Variants in KCNC2 observed in about 807,000 individuals in gnomAD.
The protein encoded by KCNC2 is voltage-gated potassium channel KCNC2.
Under a neutral mutation model 44.5 loss-of-function variants are expected in KCNC2, and 21 were observed. The ratio of observed to expected loss-of-function variants is 0.47; its 90% confidence interval spans 0.33 to 0.68. The LOEUF (loss-of-function observed/expected upper bound fraction) is 0.68, where lower values mean the gene tolerates loss of function less well. KCNC2 is among the 30% of genes least tolerant of loss of function. KCNC2 has a pLI of 0.01. For missense variants in KCNC2, 589 were observed against 826.2 expected (o/e 0.71, Z 3.52); for synonymous variants, 391 against 339.1 (o/e 1.15, Z -1.68).
At chr12:75,183,944 T>C (rs1048265760) in intron 2 of KCNC2, among the ~76,000 whole-genome samples, 2 of 152,136 alleles carry the variant, frequency 1.3e-5, no homozygotes, top group African/African-American at 4.8e-5. Context: ...CTCAACTTTA[T>C]ATATTTCCCA....
rs146183107 is a variant in KCNC2, at chr12:75,096,342, A to C, written c.688-45025T>G. 3.8e-4 allele frequency among the ~76,000 whole-genome samples: 58 copies of C among 152,182 alleles called. No individual in the cohort carries two copies. In the East Asian group the frequency reaches 0.01, roughly 26 times the overall value. ...TTAAAAAATATTTTGGAACAGCTTT[A>C]GTGGAAGTGGGAAAAGTAGAAAGGA... On this transcript the variant is annotated intron_variant, in intron 2 of 4. Coordinates refer to ENST00000549446, the MANE Select transcript of KCNC2 (RefSeq NM_139137.4).
At chr12:75,070,192 AG>A (rs1883254290) in intron 2 of KCNC2, among the ~76,000 whole-genome samples, 1 of 152,120 alleles carries the variant, frequency 6.6e-6, no homozygotes, top group Non-Finnish European at 1.5e-5. Flanking sequence ...TTTAGGTACA[AG>A]ATAGTCACTT....
intron 1 of KCNC2, among the ~76,000 whole-genome samples, chr12:75,208,933 A>C (rs1396308710): frequency 6.6e-6 from 1 of 151,972 alleles, no homozygotes; most frequent in Admixed American, 6.6e-5. Context: ...CCCAAGAAAA[A>C]CAAATCCCTT....
intron 2 of KCNC2, among the ~76,000 whole-genome samples, chr12:75,200,248 C>G (rs1379148882): frequency 6.6e-6 from 1 of 151,746 alleles, no homozygotes; most frequent in Admixed American, 6.6e-5. Flanking sequence ...AACACTTAAT[C>G]AGAAGTCACA....
chr12:75,088,061 G>T (rs191561722), intron 2 of KCNC2, among the ~76,000 whole-genome samples: 1 of 152,030 alleles, frequency 6.6e-6, no homozygotes, highest in East Asian at 1.9e-4. Context: ...TTTAGAGCTG[G>T]TCTATGAAAC....
chr12:75,175,006 C>T (rs1892085705), intron 2 of KCNC2, among the ~76,000 whole-genome samples: 1 of 151,928 alleles, frequency 6.6e-6, no homozygotes, highest in African/African-American at 2.4e-5. Context: ...ACTGTAGTGT[C>T]CAGATGCCAA....
chr12:75,092,013 A>T (rs1885523392), intron 2 of KCNC2, among the ~76,000 whole-genome samples: 1 of 151,642 alleles, frequency 6.6e-6, no homozygotes, highest in Non-Finnish European at 1.5e-5. Flanking sequence ...TATCAGGATC[A>T]TTCTATTATA....
chr12:75,079,779 T>C (rs1884316893), intron 2 of KCNC2, among the ~76,000 whole-genome samples: 4 of 152,112 alleles, frequency 2.6e-5, no homozygotes, highest in Admixed American at 6.6e-5. Flanking sequence ...AATAACCAAA[T>C]AATCAAAAGC....
Position 75,042,711 on chromosome 12 carries a change from A to C in KCNC2, c.*394T>G, listed in dbSNP as rs1308258637. On this transcript the variant is annotated 3_prime_UTR_variant, in exon 5 of 5. Transcript: ENST00000549446. Reference sequence around the variant, plus strand: ...TCGTGTGCAATCAAGATAGGATCCCAGACATCTTCAGAATGGTTTACAGTC... The same window carrying C: ...TCGTGTGCAATCAAGATAGGATCCCCGACATCTTCAGAATGGTTTACAGTC... 5 of 1,169,686 alleles carry C rather than the reference A, an allele frequency of 4.3e-6. No individual in the cohort carries two copies. Among genetic ancestry groups the C allele is most frequent in the South Asian group, 2.7e-5 (1 of 37,598 alleles). The allele number at this position is 1,169,686 out of a possible 1,614,324, so 72.5% of individuals were successfully genotyped here.
chr12:75,159,762 A>G (rs79491295), intron 2 of KCNC2, among the ~76,000 whole-genome samples: 1 of 151,892 alleles, frequency 6.6e-6, no homozygotes, highest in South Asian at 2.1e-4. Context: ...TTGTAACTAC[A>G]TATTGCAAGT....
chr12:75,142,112 G>A (rs1889699352), intron 2 of KCNC2, among the ~76,000 whole-genome samples: 1 of 152,110 alleles, frequency 6.6e-6, no homozygotes, highest in African/African-American at 2.4e-5. Flanking sequence ...CTGTACAACT[G>A]TCACTAAAAA....
At chr12:75,043,441 C>T in intron 4 of KCNC2, 200 bp from the exon 5 acceptor site, 11 of 1,338,054 alleles carry the variant, frequency 8.2e-6, no homozygotes, top group South Asian at 5.9e-5. Context: ...TTAAACCAGC[C>T]ATCACAAATT....
In KCNC2 at chr12:75,137,088, A is replaced by G. The variant is rs1203126029; in HGVS notation, c.687+70209T>C. Among the ~76,000 whole-genome samples the G allele has an allele frequency of 3.3e-5, 5 of 152,118 alleles. 1 individual carries two copies. The highest frequency in any genetic ancestry group is 1.2e-4 in the African/African-American group (5 of 41,438). On this transcript the variant is annotated intron_variant, in intron 2 of 4. Coordinates refer to ENST00000549446, the MANE Select transcript of KCNC2 (RefSeq NM_139137.4). ...ACCTTTGCCAAATCCACCAGTGACC[A>G]TCTCTTGCAAAATCTAACAGACACT...
At chr12:75,046,448 T>C (rs1257231398) in intron 4 of KCNC2, among the ~76,000 whole-genome samples, 1 of 151,724 alleles carries the variant, frequency 6.6e-6, no homozygotes, top group Non-Finnish European at 1.5e-5. Context: ...TCTAGAGTTC[T>C]TTAAACACAT....
intron 2 of KCNC2, among the ~76,000 whole-genome samples, chr12:75,104,694 A>G (rs1390176075): frequency 2.0e-5 from 3 of 152,142 alleles, no homozygotes; most frequent in East Asian, 3.9e-4. Flanking sequence ...GTTTTCAAAT[A>G]TCAATTTATT....
intron 2 of KCNC2, among the ~76,000 whole-genome samples, chr12:75,107,079 C>A (rs537722158): frequency 4.6e-5 from 7 of 151,914 alleles, no homozygotes. Context: ...CTGAGGGGGG[C>A]AGATCATGAG....
rs17114683 is a variant in KCNC2, at chr12:75,126,625, C to T, written c.688-75308G>A. Among the ~76,000 whole-genome samples, 2,743 of 152,012 alleles carry T rather than the reference C, an allele frequency of 0.018. 246 individuals carry two copies. The East Asian group carries it at 0.28, about 16-fold the overall frequency. On this transcript the variant is annotated intron_variant, in intron 2 of 4. Transcript: ENST00000549446. ...TAAAGAAGGTAGAAATAGCATGAGA[C>T]GTGGAAGGAACAACAAGACATTCAG...
chr12:75,111,635 T>G (rs1887253728), intron 2 of KCNC2, among the ~76,000 whole-genome samples: 1 of 152,024 alleles, frequency 6.6e-6, no homozygotes, highest in Admixed American at 6.6e-5. Context: ...TGCTGAAAAT[T>G]GCCAAGTTTT....
intron 2 of KCNC2, among the ~76,000 whole-genome samples, chr12:75,133,778 T>C (rs753721428): frequency 6.6e-6 from 1 of 152,024 alleles, no homozygotes; most frequent in Non-Finnish European, 1.5e-5. Flanking sequence ...TTTGATGAGA[T>C]GGGAATTCAT....
Sources: gnomAD v4.1 joint callset for allele counts (sites outside exome capture counted in the v4.1 genomes callset) on GRCh38, gnomAD v4.1.1 for gene constraint, MANE v1.5 for transcripts, NCBI Gene and HGNC (gene_info 2026-07-23, HGNC 2026-07-21) for gene names.